SLC3A1: variants seen among roughly 807,000 people sequenced by gnomAD.
SLC3A1 encodes solute carrier family 3 member 1, also known as amino acid transporter heavy chain SLC3A1.
SLC3A1 carries 78 observed loss-of-function variants against 60.3 expected under a neutral mutation model. That is an observed-to-expected ratio of 1.29 (90% CI 1.08 to 1.56). The LOEUF (loss-of-function observed/expected upper bound fraction) is 1.56. SLC3A1 is among the 40% of genes most tolerant of loss of function. The pLI is 0.00. For synonymous variants in SLC3A1, 392 were observed against 307.9 expected (o/e 1.27, Z -2.86); for missense variants, 1,172 against 858.9 (o/e 1.36, Z -4.56).
At chr2:44,309,605 T>C (rs1296179512) in intron 7 of SLC3A1, among the ~76,000 whole-genome samples, 1 of 152,146 alleles carries the variant, frequency 6.6e-6, no homozygotes, top group African/African-American at 2.4e-5. Context: ...ATACTTCTTT[T>C]GTTTTGTTTT....
At chr2:44,307,874 T>G (rs1224909855) in intron 7 of SLC3A1, among the ~76,000 whole-genome samples, 1 of 152,212 alleles carries the variant, frequency 6.6e-6, no homozygotes, top group African/African-American at 2.4e-5. Context: ...ACTTGTACTT[T>G]TAGTGTTATA....
chr2:44,304,161 C>G lies in SLC3A1; in HGVS notation c.1155C>G (p.Ala385=). ...PGRYRFMGTE[A]YAESIDRTVM... ...CTTATAGGTTCATGGGGACTGAAGC[C>G]TATGCAGAGAGTATTGACAGGACCG... The change falls in exon 7 of 10, where the codon GCC becomes GCG. Residue 385 remains alanine, a synonymous_variant. Transcript: ENST00000260649. 6.2e-7 allele frequency: 1 copy of G among 1,614,032 alleles called. No individual in the cohort carries two copies. The highest frequency in any genetic ancestry group is 8.5e-7 in the Non-Finnish European group (1 of 1,179,920).
chr2:44,312,218 G>C (rs1031780235), intron 7 of SLC3A1, among the ~76,000 whole-genome samples: 7 of 152,144 alleles, frequency 4.6e-5, no homozygotes, highest in Admixed American at 2.0e-4. Context: ...GGACACATCA[G>C]AAGTCTCTCA....
At chr2:44,298,167 T>C (rs534535813) in intron 4 of SLC3A1, among the ~76,000 whole-genome samples, 6 of 140,496 alleles carry the variant, frequency 4.3e-5, no homozygotes, top group Admixed American at 2.2e-4. Context: ...ATACAGTTGA[T>C]TCTTCATACA....
intron 7 of SLC3A1, 42 bp downstream of exon 7, chr2:44,304,380 G>T (rs1672099311): frequency 6.8e-7 from 1 of 1,461,134 alleles, no homozygotes; most frequent in East Asian, 2.3e-5. Flanking sequence ...TGCTGCTGTT[G>T]CCTTTGCTGT....
chr2:44,291,221 A>T (rs1175288457), intron 4 of SLC3A1, among the ~76,000 whole-genome samples: 1 of 152,152 alleles, frequency 6.6e-6, no homozygotes, highest in Non-Finnish European at 1.5e-5. Flanking sequence ...TTCAGTTATA[A>T]ATTGATAAAT....
intron 1 of SLC3A1, among the ~76,000 whole-genome samples, chr2:44,278,484 A>C (rs1019828502): frequency 1.3e-5 from 2 of 151,848 alleles, no homozygotes; most frequent in African/African-American, 4.8e-5. Flanking sequence ...AAAATAAAAT[A>C]AAATAAATAA....
chr2:44,302,006 G>C (rs1381285328), intron 6 of SLC3A1, among the ~76,000 whole-genome samples: 1 of 152,168 alleles, frequency 6.6e-6, no homozygotes, highest in African/African-American at 2.4e-5. Flanking sequence ...AGTGAGCTGA[G>C]ATCATGCCAC....
At position 44,304,232 on chromosome 2, in the gene SLC3A1, T is replaced by C; in HGVS notation, c.1226T>C (p.Phe409Ser). The change falls in exon 7 of 10, where the codon TTC becomes TCC. Residue 409 changes from phenylalanine to serine, a missense_variant. Transcript: ENST00000260649. ...TTTATCCAAGAAGCTGATTTTCCCT[T>C]CAACAATTACCTCAGCATGCTAGAC... ...LPFIQEADFPFNNYLSMLDTV... is the reference protein window; with the variant it reads ...LPFIQEADFPSNNYLSMLDTV... 1 of 1,614,088 alleles carries C rather than the reference T, an allele frequency of 6.2e-7. No homozygotes were observed.
At chr2:44,299,628 T>C (rs1321718438) in intron 4 of SLC3A1, among the ~76,000 whole-genome samples, 3 of 152,214 alleles carry the variant, frequency 2.0e-5, no homozygotes, top group Non-Finnish European at 2.9e-5. Flanking sequence ...TGAGAAACTT[T>C]CCTAGTTTAT....
intron 6 of SLC3A1, among the ~76,000 whole-genome samples, chr2:44,302,456 A>T (rs1168114272): frequency 6.6e-6 from 1 of 152,214 alleles, no homozygotes; most frequent in Non-Finnish European, 1.5e-5. Context: ...AGGTACTCCG[A>T]TTACTCTGTC....
chr2:44,305,047 T>C (rs749295322), intron 7 of SLC3A1, among the ~76,000 whole-genome samples: 6 of 152,056 alleles, frequency 3.9e-5, no homozygotes, highest in African/African-American at 7.2e-5. Flanking sequence ...GCCAGGCTTG[T>C]CTTAAACTCC....
intron 6 of SLC3A1, among the ~76,000 whole-genome samples, chr2:44,301,905 C>T (rs890383753): frequency 1.3e-5 from 2 of 151,628 alleles, no homozygotes; most frequent in African/African-American, 4.9e-5. Context: ...ACTAGAACTA[C>T]AAAAATGGGC....
chr2:44,305,300 G>C (rs1387192660), intron 7 of SLC3A1, among the ~76,000 whole-genome samples: 1 of 152,042 alleles, frequency 6.6e-6, no homozygotes. Context: ...TCAATATTAG[G>C]CTCCTTCGTA....
At chr2:44,315,455 C>T (rs998689229) in intron 9 of SLC3A1, among the ~76,000 whole-genome samples, 9 of 150,782 alleles carry the variant, frequency 6.0e-5, no homozygotes, top group Admixed American at 4.6e-4. Context: ...TTGAGACCAG[C>T]CTAGGCAATA....
Position 44,303,958 on chromosome 2 carries a change from A to G in SLC3A1, c.1137-185A>G, listed in dbSNP as rs137920205. The stretch of plus-strand genomic sequence containing the variant: ...GTATTCCATGGTGTGTATGTGCCAC[A>G]TTTTCTTAATCCAGTCTAACATTTG... On this transcript the variant is annotated intron_variant, in intron 6 of 9. Coordinates refer to ENST00000260649, the MANE Select transcript of SLC3A1 (RefSeq NM_000341.4). 8 of 672,044 alleles carry G rather than the reference A, an allele frequency of 1.2e-5. No homozygotes were observed. In the African/African-American group the frequency reaches 1.4e-4, roughly 12 times the overall value. 41.6% of individuals were successfully genotyped at this position (672,044 alleles called of 1,614,324 possible).
At chr2:44,280,995 C>A in intron 2 of SLC3A1, 100 bp downstream of exon 2, 1 of 1,032,186 alleles carries the variant, frequency 9.7e-7, no homozygotes, top group Non-Finnish European at 1.5e-6. Context: ...CTGTCATATA[C>A]TATTTCTTTC....
intron 4 of SLC3A1, among the ~76,000 whole-genome samples, chr2:44,288,062 C>T (rs1055152920): frequency 1.3e-5 from 2 of 149,858 alleles, no homozygotes; most frequent in Non-Finnish European, 3.0e-5. Flanking sequence ...CAGTCTTGCT[C>T]TGTCGCCCAG....
chr2:44,306,550 CTTTTTTTTTTT>C (rs11290172), intron 7 of SLC3A1, among the ~76,000 whole-genome samples: 1 of 101,120 alleles, frequency 9.9e-6, no homozygotes, highest in Non-Finnish European at 2.0e-5. Context: ...TACCATAAAA[CTTTTTTTTTTT>C]TTTTTTTTTT....
Sources: allele counts gnomAD v4.1 joint callset (sites outside exome capture counted in the v4.1 genomes callset), GRCh38; gene constraint gnomAD v4.1.1; transcripts MANE v1.5; gene names NCBI Gene and HGNC (gene_info 2026-07-23, HGNC 2026-07-21).